The following SHANK2 variants were observed in gnomAD, a reference collection of about 807,000 sequenced individuals.
The protein encoded by SHANK2 is SH3 and multiple ankyrin repeat domains protein 2.
SHANK2 carries 43 observed loss-of-function variants against 133.7 expected under a neutral mutation model. That is an observed-to-expected ratio of 0.32 (90% CI 0.25 to 0.41). SHANK2 has a LOEUF of 0.41. Ranked by LOEUF, SHANK2 falls within the 10% of genes least tolerant of loss-of-function variation. The pLI is 1.00. For synonymous variants in SHANK2, 1,017 were observed against 952.8 expected (o/e 1.07, Z -1.24); for missense variants, 1,994 against 2,235.8 (o/e 0.89, Z 2.18).
At position 71,171,077 on chromosome 11, in the gene SHANK2, C is replaced by T. The variant is rs149929499; in HGVS notation, c.-12-23739G>A. Among the ~76,000 whole-genome samples the T allele has an allele frequency of 4.1e-3, 624 of 152,336 alleles. 2 individuals carry two copies. Among genetic ancestry groups the T allele is most frequent in the African/African-American group, 0.013 (556 of 41,574 alleles). On this transcript the variant is annotated intron_variant, in intron 2 of 25. Transcript: ENST00000601538. ...GGCCAACTTCTAGCTGCTCTCAGCACGGCCTCGTCTTTTTGCACACGCGGG... is the reference window on the plus strand; with the variant it reads ...GGCCAACTTCTAGCTGCTCTCAGCATGGCCTCGTCTTTTTGCACACGCGGG...
chr11:70,638,621 A>G (rs2061137438), intron 17 of SHANK2, among the ~76,000 whole-genome samples: 1 of 152,246 alleles, frequency 6.6e-6, no homozygotes, highest in African/African-American at 2.4e-5. Context: ...TCTGCTCAGC[A>G]TTTCTTGTAC....
intron 14 of SHANK2, among the ~76,000 whole-genome samples, chr11:70,729,410 T>G (rs937328549): frequency 2.0e-5 from 3 of 152,070 alleles, no homozygotes; most frequent in African/African-American, 7.2e-5. Flanking sequence ...AGTAACTGCT[T>G]CATGGGCACG....
At chr11:70,834,227 C>T (rs1229754473) in intron 11 of SHANK2, among the ~76,000 whole-genome samples, 1 of 152,088 alleles carries the variant, frequency 6.6e-6, no homozygotes, top group African/African-American at 2.4e-5. Context: ...ACAAAATACA[C>T]AGGAGGTGGC....
At chr11:70,490,216 C>T (rs1591494093) in intron 23 of SHANK2, 60 bp downstream of exon 23, 1 of 1,402,294 alleles carries the variant, frequency 7.1e-7, no homozygotes, top group East Asian at 2.3e-5. Flanking sequence ...TCCTGAGGGG[C>T]CTAAGGCTGT....
At chr11:71,181,853 A>C (rs181696959) in intron 2 of SHANK2, among the ~76,000 whole-genome samples, 1 of 144,140 alleles carries the variant, frequency 6.9e-6, no homozygotes, top group African/African-American at 2.5e-5. Flanking sequence ...AGATCTACTG[A>C]ATCCGAATCT....
chr11:70,599,887 GAAAAAGAAAGAAAGAAAGAGAAAGAA>G (rs2060459334), intron 17 of SHANK2, among the ~76,000 whole-genome samples: 1 of 41,202 alleles, frequency 2.4e-5, no homozygotes. Flanking sequence ...AAGAAAGAAA[GAAAAAGAAAGAAAGAAAGAGAAAGAA>G]AGAAAGAAAG....
intron 2 of SHANK2, among the ~76,000 whole-genome samples, chr11:71,167,239 T>TC (rs1953172161): frequency 6.6e-6 from 1 of 152,054 alleles, no homozygotes; most frequent in African/African-American, 2.4e-5. Context: ...TCCCCACCTT[T>TC]CCCCCCTTTC....
In SHANK2 at chr11:70,535,229, GTCCA is replaced by G. The variant is rs1478565405; in HGVS notation, c.2062-32302_2062-32299del. ...CTAATCCATCTTCCCACATGAGTCA[GTCCA>G]TCCATCGCTCTATCCATCCATTACT... On this transcript the variant is annotated intron_variant, in intron 17 of 25. Transcript: ENST00000601538. This position sits in a 1 kb window ranked among gnomAD's most constrained non-coding sequence, Gnocchi z 4.3. Among the ~76,000 whole-genome samples the G allele has an allele frequency of 1.3e-5, 2 of 152,112 alleles. No homozygotes were observed. Among genetic ancestry groups the G allele is most frequent in the African/African-American group, 4.8e-5 (2 of 41,406 alleles).
intron 9 of SHANK2, among the ~76,000 whole-genome samples, chr11:71,074,648 C>T (rs970821881): frequency 1.7e-4 from 26 of 152,108 alleles, no homozygotes; most frequent in African/African-American, 6.0e-4. Context: ...AAAGTTTCAT[C>T]TTAGACTAAA....
chr11:70,829,832 C>T (rs1948700825), intron 11 of SHANK2, among the ~76,000 whole-genome samples: 1 of 152,226 alleles, frequency 6.6e-6, no homozygotes, highest in Admixed American at 6.5e-5. Context: ...AGTGCCCGGT[C>T]CTGGGCCAGG....
chr11:70,763,301 G>A (rs1393318871), intron 14 of SHANK2, among the ~76,000 whole-genome samples: 1 of 152,064 alleles, frequency 6.6e-6, no homozygotes, highest in Non-Finnish European at 1.5e-5. Flanking sequence ...TTTGAGACAG[G>A]GCCATGGGAT....
chr11:70,777,190 C>A lies in SHANK2; in HGVS notation c.1777+21253G>T, dbSNP rs78476809. Among the ~76,000 whole-genome samples, 54 of 151,804 alleles carry A rather than the reference C, an allele frequency of 3.6e-4. No homozygotes were observed. In the East Asian group the frequency reaches 6.0e-3, roughly 17 times the overall value. On this transcript the variant is annotated intron_variant, in intron 14 of 25. Coordinates refer to ENST00000601538, the MANE Select transcript of SHANK2 (RefSeq NM_012309.5). ...ACTCACTCATCCACCCATCCATTTA[C>A]CCATCCACCTACCCATCCATTCACC...
intron 9 of SHANK2, among the ~76,000 whole-genome samples, chr11:71,057,853 ATTC>A (rs1294596981): frequency 1.9e-4 from 28 of 146,212 alleles, no homozygotes; most frequent in African/African-American, 7.2e-4. Context: ...CTGACCAGAG[ATTC>A]TTTTTTTTTT....
chr11:71,162,471 A>G (rs1953041238), intron 2 of SHANK2, among the ~76,000 whole-genome samples: 1 of 152,226 alleles, frequency 6.6e-6, no homozygotes, highest in African/African-American at 2.4e-5. Context: ...AACACATGAA[A>G]TTTGAGGAAC....
intron 11 of SHANK2, among the ~76,000 whole-genome samples, chr11:70,893,825 G>A (rs1949890692): frequency 1.3e-5 from 2 of 152,182 alleles, no homozygotes; most frequent in South Asian, 4.1e-4. Flanking sequence ...CTTTCCTGCA[G>A]GACTGGGGAT....
chr11:70,881,099 C>T (rs1949652596), intron 11 of SHANK2, among the ~76,000 whole-genome samples: 1 of 152,184 alleles, frequency 6.6e-6, no homozygotes, highest in African/African-American at 2.4e-5. Context: ...GCAAAGTGGC[C>T]CGATCATAGC....
At position 71,166,473 on chromosome 11, in the gene SHANK2, C is replaced by CTTTT. The variant is rs1322143159; in HGVS notation, c.-12-19139_-12-19136dup. On this transcript the variant is annotated intron_variant, in intron 2 of 25. Transcript: ENST00000601538. ...TTGGTTTACCTTCCAATCCACACGTCTTTTTTTTCTTTTCTTTTTTTTTTG... is the reference window on the plus strand; with the variant it reads ...TTGGTTTACCTTCCAATCCACACGTCTTTTTTTTTTTTCTTTTCTTTTTTTTTTG... 2.9e-4 allele frequency among the ~76,000 whole-genome samples: 38 copies of CTTTT among 131,414 alleles called. 2 individuals are homozygous for CTTTT. The highest frequency in any genetic ancestry group is 5.4e-4 in the South Asian group (2 of 3,710). The allele number at this position is 131,414 out of a possible 152,430, so 86.2% of individuals were successfully genotyped here.
rs1453261127 is a variant in SHANK2 at position 70,472,259 on chromosome 11, CAGG to C, written c.*607_*609del. ...GCCAAAGAGCCATGGATGCAAACCA[CAGG>C]AGGAGATGGGGAAAAGAATCTGTGT... On this transcript the variant is annotated 3_prime_UTR_variant, in exon 26 of 26. Transcript: ENST00000601538. This position sits in a 1 kb window ranked among gnomAD's most constrained non-coding sequence, Gnocchi z 4.4. 6.4e-6 allele frequency: 1 copy of C among 155,246 alleles called. No homozygotes were observed. Among genetic ancestry groups the C allele is most frequent in the Non-Finnish European group, 1.4e-5 (1 of 69,974 alleles). 9.6% of individuals were successfully genotyped at this position (155,246 alleles called of 1,614,324 possible).
intron 17 of SHANK2, among the ~76,000 whole-genome samples, chr11:70,639,017 A>AAAACAAAG (rs1440801203): frequency 7.2e-6 from 1 of 139,846 alleles, no homozygotes; most frequent in Non-Finnish European, 1.6e-5. Context: ...AAAAAACAAA[A>AAAACAAAG]AAAAAACAAA....
Sources: gnomAD v4.1 joint callset for allele counts (sites outside exome capture counted in the v4.1 genomes callset) on GRCh38, gnomAD v4.1.1 for gene constraint, Gnocchi (gnomAD v3.1) non-coding constraint, MANE v1.5 for transcripts, NCBI Gene and HGNC (gene_info 2026-07-23, HGNC 2026-07-21) for gene names.